The following AFAP1 variants were observed in gnomAD, a reference collection of about 807,000 sequenced individuals.
The protein encoded by AFAP1 is actin filament associated protein 1, also known as actin filament-associated protein 1.
AFAP1 carries 75 observed loss-of-function variants against 93.9 expected under a neutral mutation model. That is an observed-to-expected ratio of 0.80 (90% confidence interval 0.66 to 0.97). The LOEUF (loss-of-function observed/expected upper bound fraction) is 0.97, where lower values mean the gene tolerates loss of function less well. Among genes scored for constraint, AFAP1 ranks in the 50% least tolerant of loss-of-function variants. The pLI is 0.00. For missense variants in AFAP1, 1,201 were observed against 1,050.8 expected, an observed-to-expected ratio of 1.14 and a Z score of -1.98; for synonymous variants, 517 against 430.7, an observed-to-expected ratio of 1.20 and a Z score of -2.48.
chr4:7,917,836 C>T (rs1035174247), intron 1 of AFAP1, among the ~76,000 whole-genome samples: 6 of 152,252 alleles, frequency 3.9e-5, no homozygotes, highest in Non-Finnish European at 8.8e-5. Context: ...CACTGCACTG[C>T]AATCCCCTAG....
chr4:7,782,029 G>C (rs1716824403), intron 12 of AFAP1, among the ~76,000 whole-genome samples: 2 of 152,216 alleles, frequency 1.3e-5, no homozygotes, highest in African/African-American at 2.4e-5. Flanking sequence ...GCAGGGCGTG[G>C]ATGGAAGGGG....
At chr4:7,889,642 C>A (rs191974770) in intron 1 of AFAP1, among the ~76,000 whole-genome samples, 1 of 144,604 alleles carries the variant, frequency 6.9e-6, no homozygotes, top group Non-Finnish European at 1.5e-5. Flanking sequence ...TCAAACTATT[C>A]TTTAAACATG....
At chr4:7,806,035 T>C (rs886148825) in intron 9 of AFAP1, among the ~76,000 whole-genome samples, 2 of 152,310 alleles carry the variant, frequency 1.3e-5, no homozygotes, top group East Asian at 3.9e-4. Flanking sequence ...CATTTCCTGG[T>C]AACAACGGCT....
rs566323329 is a variant in AFAP1 at position 7,819,170 on chromosome 4, A to G, written c.728T>C (p.Val243Ala). The change falls in exon 7 of 18, where the codon GTG becomes GCG. Residue 243 changes from valine to alanine, a missense_variant and splice_region_variant. Physicochemically the swap from Val to Ala is moderately conservative, Grantham distance 64. Coordinates refer to ENST00000420658, the MANE Select transcript of AFAP1 (RefSeq NM_001134647.2). ...SKEQAEQWLK[V>A]IKEAYSGCSG... ...ACAACCACTGTAGGCTTCTTTGATC[A>G]CCTATAAAAAGCACAGACACTTTGT... 2.1e-5 allele frequency: 33 copies of G among 1,608,034 alleles called. No homozygotes were observed. The highest frequency in any genetic ancestry group is 2.6e-5 in the Non-Finnish European group (31 of 1,178,036).
intron 10 of AFAP1, among the ~76,000 whole-genome samples, chr4:7,797,156 C>G (rs527386501): frequency 6.6e-6 from 1 of 152,130 alleles, no homozygotes; most frequent in Non-Finnish European, 1.5e-5. Flanking sequence ...GGAAAATGGT[C>G]TCGCAGTCGA....
intron 1 of AFAP1, among the ~76,000 whole-genome samples, chr4:7,921,387 G>A (rs937519054): frequency 7.2e-5 from 11 of 151,836 alleles, no homozygotes; most frequent in African/African-American, 1.7e-4. Context: ...GTTTCACCAC[G>A]TTGGCCAGGC....
At chr4:7,890,568 T>C (rs1718410358) in intron 1 of AFAP1, among the ~76,000 whole-genome samples, 1 of 152,126 alleles carries the variant, frequency 6.6e-6, no homozygotes, top group African/African-American at 2.4e-5. Flanking sequence ...CAATACACAT[T>C]TCATGACACA....
At chr4:7,898,911 A>C (rs1284974178) in intron 1 of AFAP1, among the ~76,000 whole-genome samples, 1 of 150,296 alleles carries the variant, frequency 6.7e-6, no homozygotes, top group African/African-American at 2.4e-5. Context: ...AGAAATATAT[A>C]TGTGTGTATA....
intron 16 of AFAP1, 83 bp from the exon 17 acceptor site, chr4:7,769,091 G>A: frequency 1.4e-6 from 2 of 1,474,716 alleles, no homozygotes; most frequent in Admixed American, 2.2e-5. Context: ...TTATTTCAAG[G>A]AAGAAATAAG....
chr4:7,931,900 G>C (rs151193041), intron 1 of AFAP1, among the ~76,000 whole-genome samples: 15 of 151,726 alleles, frequency 9.9e-5, no homozygotes, highest in African/African-American at 2.7e-4. Context: ...TCACTTTGTC[G>C]CCCAGGCTGG....
rs1232541626 is a variant in AFAP1 at position 7,802,208 on chromosome 4, C to T, written c.1055-1555G>A. ...ACACACTGAAGAGAAATGCACACTG[C>T]TTCTTCTGGAACTAAAACTTTCATC... On this transcript the variant is annotated intron_variant, in intron 9 of 17. Transcript: ENST00000420658. Among the ~76,000 whole-genome samples the T allele has an allele frequency of 2.0e-5, 3 of 152,232 alleles. 1 individual carries two copies. Among genetic ancestry groups the T allele is most frequent in the Admixed American group, 2.0e-4 (3 of 15,290 alleles).
chr4:7,815,343 A>G (rs1191094002), intron 8 of AFAP1, among the ~76,000 whole-genome samples: 1 of 152,262 alleles, frequency 6.6e-6, no homozygotes, highest in East Asian at 1.9e-4. Flanking sequence ...TGATGACAGT[A>G]CAATATAAAT....
At chr4:7,808,933 T>A (rs1345667477) in intron 9 of AFAP1, among the ~76,000 whole-genome samples, 1 of 152,190 alleles carries the variant, frequency 6.6e-6, no homozygotes, top group African/African-American at 2.4e-5. Context: ...GGCACCATAC[T>A]TGTATAGCCT....
chr4:7,852,832 C>T (rs1221158038), intron 4 of AFAP1, among the ~76,000 whole-genome samples: 2 of 152,146 alleles, frequency 1.3e-5, no homozygotes, highest in Admixed American at 1.3e-4. Flanking sequence ...CAGGCCCCCA[C>T]CATCTCACAT....
chr4:7,808,156 C>A (rs777473138), intron 9 of AFAP1, among the ~76,000 whole-genome samples: 1 of 152,186 alleles, frequency 6.6e-6, no homozygotes, highest in African/African-American at 2.4e-5. Context: ...CGCAATAGTA[C>A]ACAAGGAAAA....
At chr4:7,799,074 C>G in intron 10 of AFAP1, 1 of 986,040 alleles carries the variant, frequency 1.0e-6, no homozygotes, top group Non-Finnish European at 1.2e-6. Context: ...TTACAAGGTA[C>G]ACTGACTCTA....
chr4:7,852,242 C>A (rs1400220710), intron 4 of AFAP1, among the ~76,000 whole-genome samples: 1 of 152,158 alleles, frequency 6.6e-6, no homozygotes, highest in Admixed American at 6.5e-5. Context: ...GGAGCCTCCT[C>A]CCACTATTAC....
chr4:7,912,607 C>T (rs1410104480), intron 1 of AFAP1, among the ~76,000 whole-genome samples: 1 of 152,156 alleles, frequency 6.6e-6, no homozygotes, highest in Non-Finnish European at 1.5e-5. Flanking sequence ...ATGTCTTTTA[C>T]TCATTTTCAA....
At chr4:7,792,158 C>T (rs577874602) in intron 11 of AFAP1, among the ~76,000 whole-genome samples, 63 of 152,268 alleles carry the variant, frequency 4.1e-4, no homozygotes, top group African/African-American at 1.4e-3. Context: ...GCTGTAGTGA[C>T]ACTTCTTCGG....
Sources: allele counts gnomAD v4.1 joint callset (sites outside exome capture counted in the v4.1 genomes callset), GRCh38; gene constraint gnomAD v4.1.1; transcripts MANE v1.5; gene names NCBI Gene and HGNC (gene_info 2026-07-23, HGNC 2026-07-21).